Variants in CDH1 observed in about 807,000 individuals in gnomAD.
CDH1 encodes the protein cadherin 1.
A neutral mutation model predicts 84.5 loss-of-function variants in CDH1; 35 were observed. That is an observed-to-expected ratio of 0.41 (90% CI 0.32 to 0.55). The LOEUF (loss-of-function observed/expected upper bound fraction) is 0.55. Ranked by LOEUF, CDH1 falls within the 20% of genes least tolerant of loss-of-function variation. The probability of loss-of-function intolerance (pLI) is 0.19; values close to 1 mark genes in which losing one functional copy is unlikely to be tolerated. For missense variants in CDH1, 994 were observed against 1,126.6 expected (o/e 0.88, Z 1.68); for synonymous variants, 417 against 439.0 (o/e 0.95, Z 0.63).
intron 14 of CDH1, 147 bp from the exon 15 acceptor site, chr16:68,829,507 A>G: frequency 2.4e-6 from 2 of 847,044 alleles, no homozygotes; most frequent in Non-Finnish European, 1.9e-6. Flanking sequence ...TTAGCTTGAA[A>G]ACTGTCATTT....
chr16:68,752,391 T>C (rs1206533433), intron 2 of CDH1, among the ~76,000 whole-genome samples: 1 of 152,242 alleles, frequency 6.6e-6, no homozygotes, highest in Non-Finnish European at 1.5e-5. Flanking sequence ...CTCCTCCCAC[T>C]AGAACAGAAG....
chr16:68,821,246 G>A (rs969977096), intron 11 of CDH1, among the ~76,000 whole-genome samples: 2 of 152,114 alleles, frequency 1.3e-5, no homozygotes, highest in Non-Finnish European at 2.9e-5. Flanking sequence ...GCTAAGATGC[G>A]AGGATCACTT....
chr16:68,780,697 C>T (rs1214554812), intron 2 of CDH1, among the ~76,000 whole-genome samples: 2 of 152,150 alleles, frequency 1.3e-5, no homozygotes, highest in East Asian at 3.8e-4. Context: ...TCAGGAGTGG[C>T]GCTCCCATAA....
intron 13 of CDH1, among the ~76,000 whole-genome samples, chr16:68,825,070 A>G (rs916786282): frequency 3.9e-5 from 6 of 152,130 alleles, no homozygotes; most frequent in African/African-American, 1.2e-4. Flanking sequence ...ACAAAGCAAG[A>G]CTGTCTCTAC....
At chr16:68,817,415 G>T (rs1302435011) in intron 10 of CDH1, among the ~76,000 whole-genome samples, 1 of 152,210 alleles carries the variant, frequency 6.6e-6, no homozygotes, top group Non-Finnish European at 1.5e-5. Flanking sequence ...GCTTCAGCAA[G>T]AATCATCCAC....
intron 2 of CDH1, among the ~76,000 whole-genome samples, chr16:68,751,033 C>G (rs1403695180): frequency 3.9e-5 from 6 of 152,080 alleles, no homozygotes; most frequent in Non-Finnish European, 8.8e-5. Flanking sequence ...TTCAGCATGT[C>G]TTCACCTTCA....
rs1157074539 is a variant in CDH1, at chr16:68,831,069, C to CTTTTTTT, written c.2439+1293_2439+1299dup. On this transcript the variant is annotated intron_variant, in intron 15 of 15. Coordinates refer to ENST00000261769, the MANE Select transcript of CDH1 (RefSeq NM_004360.5). ...TGAGGTCTGTGTTTGCTTTAGCTTT[C>CTTTTTTT]TTTTTTTTTTTTTTTTTTTTTTTTT... is the stretch of plus-strand genomic sequence containing the variant. Among the ~76,000 whole-genome samples, 18 of 80,288 alleles carry CTTTTTTT rather than the reference C, an allele frequency of 2.2e-4. 1 individual carries two copies. The highest frequency in any genetic ancestry group is 4.7e-4 in the African/African-American group (9 of 19,096). The allele number at this position is 80,288 out of a possible 152,430, so 52.7% of individuals were successfully genotyped here. A position where few individuals can be genotyped will look rare whatever the true frequency, so the allele number is the denominator to read the frequency against.
At chr16:68,738,717 C>A (rs973878270) in intron 2 of CDH1, among the ~76,000 whole-genome samples, 2 of 151,950 alleles carry the variant, frequency 1.3e-5, no homozygotes, top group African/African-American at 4.8e-5. Flanking sequence ...TTTCAGACTG[C>A]AAAAACCTGG....
chr16:68,740,005 G>A (rs987359316), intron 2 of CDH1, among the ~76,000 whole-genome samples: 1 of 152,174 alleles, frequency 6.6e-6, no homozygotes, highest in African/African-American at 2.4e-5. Flanking sequence ...CCTTATCGTT[G>A]TGACAATCTA....
intron 8 of CDH1, among the ~76,000 whole-genome samples, 196 bp from the exon 9 acceptor site, chr16:68,813,113 AGGCT>A: frequency 6.6e-6 from 1 of 152,128 alleles, no homozygotes; most frequent in South Asian, 2.1e-4. Flanking sequence ...GCTACTCTGG[AGGCT>A]GAGGTGGGAG....
In CDH1 at chr16:68,833,598, G is replaced by A; in HGVS notation, c.*99G>A. ...CTCCCTTCCCTTGAGATGAGTTTCTGGGGAAAAAAAAGAGACTGGTTAGTG... is the reference window on the plus strand; with the variant it reads ...CTCCCTTCCCTTGAGATGAGTTTCTAGGGAAAAAAAAGAGACTGGTTAGTG... On this transcript the variant is annotated 3_prime_UTR_variant, in exon 16 of 16. Transcript: ENST00000261769. 1 of 925,620 alleles carries A rather than the reference G, an allele frequency of 1.1e-6. No homozygotes were observed. The highest frequency in any genetic ancestry group is 1.3e-5 in the South Asian group (1 of 74,882). 57.3% of individuals were successfully genotyped at this position (925,620 alleles called of 1,614,324 possible).
Position 68,829,683 on chromosome 16 carries a change from C to T in CDH1, c.2325C>T (p.Gly775=), listed in dbSNP as rs970542777. The T allele has an allele frequency of 6.2e-7, 1 of 1,613,982 alleles. No individual in the cohort carries two copies. The highest frequency in any genetic ancestry group is 1.3e-5 in the African/African-American group (1 of 74,902). ...TTGACTTGAGCCAGCTGCACAGGGGCCTGGACGCTCGGCCTGAAGTGACTC... is the reference window on the plus strand; with the variant it reads ...TTGACTTGAGCCAGCTGCACAGGGGTCTGGACGCTCGGCCTGAAGTGACTC... The part of the protein sequence containing the change: ...QDFDLSQLHR[G]LDARPEVTRN... The change falls in exon 15 of 16, where the codon GGC becomes GGT. Residue 775 remains glycine (G), a synonymous_variant. Transcript: ENST00000261769.
intron 12 of CDH1, chr16:68,822,855 G>T (rs181878715): frequency 4.3e-6 from 1 of 232,034 alleles, no homozygotes; most frequent in Non-Finnish European, 8.5e-6. Flanking sequence ...GATGAATGGG[G>T]TAAAACCCTG....
Position 68,822,182 on chromosome 16 carries a change from A to T in CDH1, c.1893A>T (p.Thr631=), listed in dbSNP as rs786201452. The T allele has an allele frequency of 6.2e-7, 1 of 1,614,114 alleles. No homozygotes were observed. Among genetic ancestry groups the T allele is most frequent in the Admixed American group, 1.7e-5 (1 of 60,012 alleles). ...PNTSPFTAEL[T]HGASANWTIQ... ...CATCTCCCTTCACAGCAGAACTAAC[A>T]CACGGGGCGAGTGCCAACTGGACCA... Residue 631 remains threonine (T), a synonymous_variant, in exon 12 of 16, where the codon ACA becomes ACT. Transcript: ENST00000261769.
intron 2 of CDH1, among the ~76,000 whole-genome samples, chr16:68,786,632 A>G (rs1960059674): frequency 7.0e-6 from 1 of 142,874 alleles, no homozygotes; most frequent in South Asian, 2.2e-4. Context: ...TAGTCTGAGC[A>G]GTTACCTTTC....
chr16:68,823,117 G>A (rs564920185), intron 12 of CDH1: 42 of 413,124 alleles, frequency 1.0e-4, no homozygotes, highest in Admixed American at 5.4e-4. Context: ...CGAACCCAGC[G>A]ACATCTGAAG....
chr16:68,795,067 A>T (rs1960322610), intron 2 of CDH1, among the ~76,000 whole-genome samples: 1 of 152,130 alleles, frequency 6.6e-6, no homozygotes, highest in South Asian at 2.1e-4. Flanking sequence ...CTAGTCTTGC[A>T]TTTGTAAACA....
intron 2 of CDH1, among the ~76,000 whole-genome samples, chr16:68,739,608 ATTTTTTTTT>A (rs549473582): frequency 3.8e-5 from 3 of 79,192 alleles, no homozygotes; most frequent in African/African-American, 5.3e-5. Flanking sequence ...AGGAATAATG[ATTTTTTTTT>A]TTTTTTTTTT....
At chr16:68,786,890 G>A (rs775220953) in intron 2 of CDH1, among the ~76,000 whole-genome samples, 4 of 152,164 alleles carry the variant, frequency 2.6e-5, no homozygotes, top group Non-Finnish European at 4.4e-5. Flanking sequence ...GGCTGTTTGA[G>A]TTTTGTTCCA....
Sources: gnomAD v4.1 joint callset for allele counts (sites outside exome capture counted in the v4.1 genomes callset) on GRCh38, gnomAD v4.1.1 for gene constraint, MANE v1.5 for transcripts, NCBI Gene and HGNC (gene_info 2026-07-23, HGNC 2026-07-21) for gene names.